The following DCAF8L2 variants were observed in gnomAD, a reference collection of about 807,000 sequenced individuals.
The protein encoded by DCAF8L2 is DDB1 and CUL4 associated factor 8 like 2.
For synonymous variants in DCAF8L2, 200 were observed against 190.9 expected, an observed-to-expected ratio of 1.05 and a Z score of -0.39; for missense variants, 430 against 490.7, an observed-to-expected ratio of 0.88 and a Z score of 1.17.
chrX:27,487,369 C>T, the DCAF8L2 span, among the ~76,000 whole-genome samples: 2 of 111,924 alleles, frequency 1.8e-5, no homozygotes, highest in African/African-American at 6.5e-5. Context: ...GCAATCTCTG[C>T]CTCCCGGGTT....
At chrX:27,615,841 A>C (rs1927448000) in intron 1 of DCAF8L2, among the ~76,000 whole-genome samples, 1 of 111,240 alleles carries the variant, frequency 9.0e-6, no homozygotes, top group Non-Finnish European at 1.9e-5. Context: ...AAGTTTATGA[A>C]CTTCAGAAAT....
At chrX:27,592,422 T>G (rs375652783) in intron 1 of DCAF8L2, among the ~76,000 whole-genome samples, 1 of 98,312 alleles carries the variant, frequency 1.0e-5, no homozygotes, top group African/African-American at 4.7e-5. Flanking sequence ...TTTTTGTTTT[T>G]TTTTTTTTTG....
chrX:27,603,303 A>G (rs1266115156), intron 1 of DCAF8L2, among the ~76,000 whole-genome samples: 1 of 111,403 alleles, frequency 9.0e-6, no homozygotes, highest in Non-Finnish European at 1.9e-5. Context: ...CATTTTTGAG[A>G]TCTTTATCAC....
chrX:27,706,497 AG>A (rs1931350048), intron 3 of DCAF8L2, among the ~76,000 whole-genome samples: 1 of 111,530 alleles, frequency 9.0e-6, no homozygotes, highest in South Asian at 3.7e-4. Flanking sequence ...TCTCAATAGA[AG>A]ATATATAAAT....
the DCAF8L2 span, among the ~76,000 whole-genome samples, chrX:27,489,287 C>G: frequency 9.0e-6 from 1 of 111,000 alleles, no homozygotes; most frequent in Non-Finnish European, 1.9e-5. Context: ...TTAATAGAGA[C>G]GGGGTTTCAC....
the DCAF8L2 span, chrX:27,519,357 T>A: frequency 8.4e-4 from 964 of 1,147,138 alleles, 2 homozygotes; most frequent in South Asian, 2.7e-3. Flanking sequence ...AGGCGAAGTC[T>A]GCCGTAGCAA....
intron 1 of DCAF8L2, among the ~76,000 whole-genome samples, chrX:27,618,333 G>A (rs886448410): frequency 9.0e-6 from 1 of 111,067 alleles, no homozygotes. Context: ...GGTAACACAC[G>A]GGTAAAAAGA....
chrX:27,691,299 T>A (rs1392163310), intron 3 of DCAF8L2, among the ~76,000 whole-genome samples: 1 of 111,785 alleles, frequency 8.9e-6, no homozygotes, highest in African/African-American at 3.2e-5. Flanking sequence ...GAAAAGTTGT[T>A]TTAAGAGAAA....
At chrX:27,555,393 G>T in the DCAF8L2 span, among the ~76,000 whole-genome samples, 7 of 111,844 alleles carry the variant, frequency 6.3e-5, no homozygotes, top group African/African-American at 1.9e-4. Flanking sequence ...CACTCATTCA[G>T]GTTCTGACAT....
intron 1 of DCAF8L2, among the ~76,000 whole-genome samples, chrX:27,630,795 C>T (rs1399418228): frequency 8.9e-6 from 1 of 112,093 alleles, no homozygotes. Flanking sequence ...AGTCCAAGCT[C>T]AAGGCACCAG....
the DCAF8L2 span, among the ~76,000 whole-genome samples, chrX:27,563,950 G>T: frequency 3.1e-3 from 343 of 111,980 alleles, 1 homozygote; most frequent in Non-Finnish European, 5.0e-3. Context: ...AGGTCCAGTG[G>T]CTGTCTCTTA....
At chrX:27,516,706 C>G in the DCAF8L2 span, among the ~76,000 whole-genome samples, 2 of 111,471 alleles carry the variant, frequency 1.8e-5, no homozygotes, top group East Asian at 5.7e-4. Context: ...ATGATTGAGA[C>G]TATCGTTATG....
the DCAF8L2 span, among the ~76,000 whole-genome samples, chrX:27,547,294 CT>C: frequency 1.5e-3 from 166 of 111,996 alleles, no homozygotes; most frequent in African/African-American, 5.1e-3. Flanking sequence ...AAGTTCCAAA[CT>C]TTCCTGCATC....
chrX:27,554,586 G>T, the DCAF8L2 span, among the ~76,000 whole-genome samples: 2 of 112,028 alleles, frequency 1.8e-5, no homozygotes, highest in Admixed American at 1.9e-4. Context: ...ATATGGTATG[G>T]ATTCTAGAGC....
At chrX:27,643,590 T>TAAA (rs1212711352) in intron 2 of DCAF8L2, among the ~76,000 whole-genome samples, 3 of 111,884 alleles carry the variant, frequency 2.7e-5, no homozygotes, top group African/African-American at 9.7e-5. Context: ...GCTACAATTT[T>TAAA]AAAGCTCTTA....
At chrX:27,491,287 TG>T in the DCAF8L2 span, among the ~76,000 whole-genome samples, 63 of 112,606 alleles carry the variant, frequency 5.6e-4, no homozygotes, top group African/African-American at 1.9e-3. Context: ...ATTAATATTT[TG>T]TCAGTGTGAA....
chrX:27,714,730 A>G (rs1228352312), intron 3 of DCAF8L2, among the ~76,000 whole-genome samples: 1 of 111,312 alleles, frequency 9.0e-6, no homozygotes, highest in Non-Finnish European at 1.9e-5. Flanking sequence ...GAATATATTG[A>G]CAGGTCTTTC....
At chrX:27,718,094 T>C (rs1931763217) in intron 4 of DCAF8L2, among the ~76,000 whole-genome samples, 1 of 112,187 alleles carries the variant, frequency 8.9e-6, no homozygotes, top group African/African-American at 3.2e-5. Context: ...TTATGAGTTT[T>C]GGTGATTGTA....
chrX:27,562,601 A>G, the DCAF8L2 span, among the ~76,000 whole-genome samples: 1 of 112,296 alleles, frequency 8.9e-6, no homozygotes, highest in Non-Finnish European at 1.9e-5. Context: ...AAAGAGTAAG[A>G]TGAGGCAGAG....
Sources: allele counts gnomAD v4.1 joint callset (sites outside exome capture counted in the v4.1 genomes callset), GRCh38; gene constraint gnomAD v4.1.1; transcripts MANE v1.5; gene names NCBI Gene and HGNC (gene_info 2026-07-23, HGNC 2026-07-21).